Variants in LSAMP observed in about 807,000 individuals in gnomAD.
LSAMP encodes limbic system-associated membrane protein.
A neutral mutation model predicts 38.6 loss-of-function variants in LSAMP; 7 were observed. The observed-to-expected ratio is 0.18, with a 90% confidence interval of 0.10 to 0.34. The LOEUF (loss-of-function observed/expected upper bound fraction) is 0.34, where lower values mean the gene tolerates loss of function less well. Ranked by LOEUF, LSAMP falls within the 10% of genes least tolerant of loss-of-function variation. LSAMP has a pLI of 1.00. For synonymous variants in LSAMP, 154 were observed against 166.8 expected (o/e 0.92, Z 0.59); for missense variants, 313 against 420.0 (o/e 0.75, Z 2.23).
chr3:115,927,198 A>T (rs1937513334), intron 3 of LSAMP, among the ~76,000 whole-genome samples: 1 of 152,188 alleles, frequency 6.6e-6, no homozygotes, highest in Admixed American at 6.5e-5. Flanking sequence ...TGATCTCAAA[A>T]GTTTCCCAGC....
rs548084412 is a variant in LSAMP, at chr3:116,027,570, G to A, written c.389-7930C>T. On this transcript the variant is annotated intron_variant, in intron 2 of 6. Coordinates refer to ENST00000490035, the MANE Select transcript of LSAMP (RefSeq NM_002338.5). Reference sequence around the variant, plus strand: ...ATTAGCCATAATAAGGGGAAAATTTGAAGAGGGGACTTTCCACAGAGGTAA... The same window carrying A: ...ATTAGCCATAATAAGGGGAAAATTTAAAGAGGGGACTTTCCACAGAGGTAA... Among the ~76,000 whole-genome samples the A allele has an allele frequency of 3.3e-5, 5 of 152,262 alleles. No homozygotes were observed. In the South Asian group the frequency reaches 1.0e-3, roughly 32 times the overall value.
At position 115,860,179 on chromosome 3, in the gene LSAMP, T is replaced by C. The variant is rs61435076; in HGVS notation, c.515-7562A>G. The stretch of plus-strand genomic sequence containing the variant: ...AATAAACACTTGCTAGGCACTGTGC[T>C]AAGTGACCCAGATATATTATCTTAT... On this transcript the variant is annotated intron_variant, in intron 3 of 6. Coordinates refer to ENST00000490035, the MANE Select transcript of LSAMP (RefSeq NM_002338.5). 5.1e-3 allele frequency among the ~76,000 whole-genome samples: 784 copies of C among 152,360 alleles called. 5 individuals are homozygous for C. Among genetic ancestry groups the C allele is most frequent in the African/African-American group, 0.017 (696 of 41,594 alleles).
intron 2 of LSAMP, among the ~76,000 whole-genome samples, chr3:116,056,224 T>A (rs1941488176): frequency 6.6e-6 from 1 of 152,178 alleles, no homozygotes; most frequent in Non-Finnish European, 1.5e-5. Context: ...TCATAACAGT[T>A]AGTATGCATA....
At chr3:116,069,391 C>G (rs1455449297) in intron 2 of LSAMP, among the ~76,000 whole-genome samples, 1 of 152,160 alleles carries the variant, frequency 6.6e-6, no homozygotes, top group East Asian at 1.9e-4. Context: ...TGGACTCATT[C>G]CGGGTCAGAC....
At chr3:116,232,699 C>CTTTCTTTTTTTTTTT (rs1310867132) in intron 1 of LSAMP, among the ~76,000 whole-genome samples, 1 of 99,448 alleles carries the variant, frequency 1.0e-5, no homozygotes, top group African/African-American at 3.1e-5. Flanking sequence ...TTCTTTCTTT[C>CTTTCTTTTTTTTTTT]TTTTTTTTTT....
At chr3:116,112,598 A>G (rs1346330924) in intron 1 of LSAMP, among the ~76,000 whole-genome samples, 1 of 152,200 alleles carries the variant, frequency 6.6e-6, no homozygotes, top group East Asian at 1.9e-4. Flanking sequence ...GCTCACACAC[A>G]TCTTAAAGAA....
At chr3:116,372,303 G>T (rs1479862804) in intron 1 of LSAMP, among the ~76,000 whole-genome samples, 1 of 152,018 alleles carries the variant, frequency 6.6e-6, no homozygotes, top group African/African-American at 2.4e-5. Flanking sequence ...AGGGTACCAA[G>T]ACTATTCAAT....
chr3:115,991,435 T>C (rs1269632239), intron 3 of LSAMP, among the ~76,000 whole-genome samples: 3 of 152,148 alleles, frequency 2.0e-5, no homozygotes, highest in Non-Finnish European at 2.9e-5. Context: ...TACATATACA[T>C]GTGCATGCCT....
intron 1 of LSAMP, among the ~76,000 whole-genome samples, chr3:116,130,463 T>G (rs2107501018): frequency 6.6e-6 from 1 of 152,356 alleles, no homozygotes; most frequent in African/African-American, 2.4e-5. Context: ...AATACCTGAT[T>G]GGAAAAATAT....
chr3:116,374,646 A>G (rs2048471192), intron 1 of LSAMP, among the ~76,000 whole-genome samples: 1 of 151,950 alleles, frequency 6.6e-6, no homozygotes, highest in African/African-American at 2.4e-5. Flanking sequence ...CGAAACAAAA[A>G]ATACAATAGT....
intron 1 of LSAMP, among the ~76,000 whole-genome samples, chr3:116,424,608 G>A (rs2049170654): frequency 6.6e-6 from 1 of 152,164 alleles, no homozygotes; most frequent in Admixed American, 6.5e-5. Context: ...ATACTTCTAG[G>A]TCTTACATAG....
Position 116,393,780 on chromosome 3 carries a change from G to A in LSAMP, c.155+51097C>T, listed in dbSNP as rs117303973. Among the ~76,000 whole-genome samples the A allele has an allele frequency of 6.6e-5, 10 of 152,300 alleles. No homozygotes were observed. The East Asian group carries it at 9.6e-4, about 15-fold the overall frequency. On this transcript the variant is annotated intron_variant, in intron 1 of 6. Transcript: ENST00000490035. ...TATTAAAGTAAGTCTGTAGAGATAA[G>A]GTTTTATTGATAAACTAAATATAAT...
chr3:116,217,979 T>C (rs1005775468), intron 1 of LSAMP, among the ~76,000 whole-genome samples: 13 of 152,146 alleles, frequency 8.5e-5, no homozygotes, highest in African/African-American at 3.1e-4. Flanking sequence ...TTTTTAAACT[T>C]GGTATAAAGC....
At chr3:115,822,924 G>A (rs1934293363) in intron 6 of LSAMP, among the ~76,000 whole-genome samples, 1 of 152,182 alleles carries the variant, frequency 6.6e-6, no homozygotes, top group Non-Finnish European at 1.5e-5. Context: ...ATAGGCATGA[G>A]TAGACAGTAC....
intron 1 of LSAMP, among the ~76,000 whole-genome samples, chr3:116,200,671 A>T (rs1370425183): frequency 1.3e-5 from 2 of 152,204 alleles, no homozygotes; most frequent in Non-Finnish European, 2.9e-5. Flanking sequence ...TGCAGCTGTG[A>T]CTTCAACAGG....
At chr3:115,982,653 CTT>C (rs1156891316) in intron 3 of LSAMP, among the ~76,000 whole-genome samples, 1 of 152,022 alleles carries the variant, frequency 6.6e-6, no homozygotes, top group East Asian at 1.9e-4. Flanking sequence ...CATTCTCTCT[CTT>C]TTCTTTTCTT....
In LSAMP at chr3:115,807,448, C is replaced by T. The variant is rs149912686; in HGVS notation, c.*2869G>A. On this transcript the variant is annotated 3_prime_UTR_variant, in exon 7 of 7. Transcript: ENST00000490035. ...GTCCATTATATTAAAACTGAGGGAA[C>T]AAACGGTGCTGACATGGCAGACATT... 1 of 152,112 alleles carries T rather than the reference C, an allele frequency of 6.6e-6. No individual in the cohort carries two copies. The highest frequency in any genetic ancestry group is 2.4e-5 in the African/African-American group (1 of 41,424). 9.4% of individuals were successfully genotyped at this position (152,112 alleles called of 1,614,324 possible). A position where few individuals can be genotyped will look rare whatever the true frequency, so the allele number is the denominator to read the frequency against.
At chr3:116,310,080 T>C (rs1282257967) in intron 1 of LSAMP, among the ~76,000 whole-genome samples, 2 of 152,148 alleles carry the variant, frequency 1.3e-5, no homozygotes, top group African/African-American at 4.8e-5. Context: ...TCCCCTTTTA[T>C]CTACTGCAGA....
At chr3:115,990,723 G>T (rs1939642696) in intron 3 of LSAMP, among the ~76,000 whole-genome samples, 1 of 151,962 alleles carries the variant, frequency 6.6e-6, no homozygotes, top group Admixed American at 6.6e-5. Context: ...ATCATCAACG[G>T]CCTTGTCTAA....
Sources: allele counts gnomAD v4.1 joint callset (sites outside exome capture counted in the v4.1 genomes callset), GRCh38; gene constraint gnomAD v4.1.1; transcripts MANE v1.5; gene names NCBI Gene and HGNC (gene_info 2026-07-23, HGNC 2026-07-21).